ECPAS: variants seen among roughly 807,000 people sequenced by gnomAD.
ECPAS encodes proteasome adapter and scaffold protein ECM29.
Under a neutral mutation model 255.1 loss-of-function variants are expected in ECPAS, and 70 were observed. The observed-to-expected ratio is 0.27, with a 90% CI of 0.23 to 0.33. ECPAS has a LOEUF of 0.33. Among genes scored for constraint, ECPAS ranks in the 10% least tolerant of loss-of-function variants. The pLI, the probability that ECPAS is intolerant of heterozygous loss-of-function variation, is 1.00. For missense variants in ECPAS, 1,817 were observed against 2,206.4 expected (o/e 0.82, Z 3.54); for synonymous variants, 784 against 775.0 (o/e 1.01, Z -0.19).
In ECPAS at chr9:111,484,207, G is replaced by A. The variant is rs748900291; in HGVS notation, c.-174C>T. The A allele has an allele frequency of 1.2e-5, 17 of 1,472,064 alleles. 1 individual carries two copies. In the South Asian group the frequency reaches 1.6e-4, roughly 14 times the overall value. 91.2% of individuals were successfully genotyped at this position (1,472,064 alleles called of 1,614,324 possible). A position where few individuals can be genotyped will look rare whatever the true frequency, so the allele number is the denominator to read the frequency against. Reference sequence around the variant, plus strand: ...CGAGGCGTTCGGCGGGCCGGGCCCCGGGGAGCCGCGCGCCGCAGTCCGTGA... The same window carrying A: ...CGAGGCGTTCGGCGGGCCGGGCCCCAGGGAGCCGCGCGCCGCAGTCCGTGA... On this transcript the variant is annotated 5_prime_UTR_variant, in exon 1 of 50. Coordinates refer to ENST00000684092, the MANE Select transcript of ECPAS (RefSeq NM_001364929.1).
chr9:111,397,783 A>G (rs537087138), intron 24 of ECPAS, among the ~76,000 whole-genome samples: 16 of 152,368 alleles, frequency 1.1e-4, no homozygotes, highest in African/African-American at 3.1e-4. Context: ...AAAAAAGAGA[A>G]TAATAAAGCA....
At position 111,392,844 on chromosome 9, in the gene ECPAS, C is replaced by T. The variant is rs1393960550; in HGVS notation, c.3016G>A (p.Val1006Ile). 3 of 1,613,508 alleles carry T rather than the reference C, an allele frequency of 1.9e-6. No homozygotes were observed. The African/African-American group carries it at 4.0e-5, about 22-fold the overall frequency. ...TCTTGTTCATTGCCTAGTTCATAAA[C>T]CAACCCAAGGCCCTTTGATGCAACA... ...QDVASKGLGLVYELGNEQDQQ... is the reference protein window; with the variant it reads ...QDVASKGLGLIYELGNEQDQQ... Residue 1006 changes from valine (V) to isoleucine (I), a missense_variant, in exon 28 of 50, where the codon GTT becomes ATT. Transcript: ENST00000684092.
Position 111,370,735 on chromosome 9 carries a change from C to T in ECPAS, c.4768G>A (p.Val1590Met), listed in dbSNP as rs1350984277. Reference protein sequence around the residue: ...EELLKAIACVVTACSAELEKS... With the variant: ...EELLKAIACVMTACSAELEKS... ...AAGAACATTTACCTGCAAGCTGTCA[C>T]CACACAGGCAATGGCTTTCAATAGC... Residue 1590 changes from valine (V) to methionine (M), a missense_variant, in exon 44 of 50, where the codon GTG becomes ATG. Physicochemically the swap from Val to Met is conservative, Grantham distance 21. Coordinates refer to ENST00000684092, the MANE Select transcript of ECPAS (RefSeq NM_001364929.1). The T allele has an allele frequency of 1.5e-5, 24 of 1,607,808 alleles. No homozygotes were observed. Among genetic ancestry groups the T allele is most frequent in the Non-Finnish European group, 1.9e-5 (22 of 1,177,060 alleles).
intron 5 of ECPAS, among the ~76,000 whole-genome samples, 159 bp from the exon 6 acceptor site, chr9:111,440,680 C>A (rs1040818567): frequency 6.6e-6 from 1 of 152,166 alleles, no homozygotes; most frequent in African/African-American, 2.4e-5. Context: ...AATCTAGGGA[C>A]TGGCCTAGAA....
At chr9:111,372,660 T>C (rs766270909) in intron 41 of ECPAS, 40 bp from the exon 42 acceptor site, 1 of 1,494,394 alleles carries the variant, frequency 6.7e-7, no homozygotes, top group Non-Finnish European at 9.1e-7. Flanking sequence ...TATTTATTGT[T>C]TTTAAGGGTA....
intron 39 of ECPAS, 28 bp from the exon 40 acceptor site, chr9:111,373,434 G>A (rs762987389): frequency 6.3e-7 from 1 of 1,588,252 alleles, no homozygotes; most frequent in Non-Finnish European, 8.6e-7. Context: ...AAAAAAATCT[G>A]ATACTTGGTT....
At chr9:111,384,676 A>G in intron 33 of ECPAS, 107 bp from the exon 34 acceptor site, 1 of 957,990 alleles carries the variant, frequency 1.0e-6, no homozygotes, top group Non-Finnish European at 1.6e-6. Context: ...TTTGGTGGAA[A>G]ATCTTACATT....
intron 25 of ECPAS, among the ~76,000 whole-genome samples, chr9:111,394,932 C>G (rs996915777): frequency 6.6e-6 from 1 of 152,170 alleles, no homozygotes; most frequent in African/African-American, 2.4e-5. Flanking sequence ...TCAAACTTTG[C>G]TCTTCTCTTT....
At chr9:111,389,763 T>C (rs771970276) in intron 30 of ECPAS, 40 bp from the exon 31 acceptor site, 11 of 1,556,108 alleles carry the variant, frequency 7.1e-6, no homozygotes, top group Admixed American at 3.9e-5. Flanking sequence ...TGCACCATTA[T>C]AGTAAAATAT....
Position 111,440,518 on chromosome 9 carries a change from T to A in ECPAS, c.393A>T (p.Leu131Phe). 3 of 1,582,594 alleles carry A rather than the reference T, an allele frequency of 1.9e-6. No homozygotes were observed. Among genetic ancestry groups the A allele is most frequent in the South Asian group, 1.1e-5 (1 of 87,808 alleles). Residue 131 changes from leucine to phenylalanine, a missense_variant, in exon 6 of 50, where the codon TTA (leucine) becomes TTT (phenylalanine). Leu to Phe is a conservative substitution (Grantham distance 22). This residue lies in a region of ECPAS where 573 missense variants were observed against 716.2 expected (regional missense o/e 0.80). Transcript: ENST00000684092. ...EGKPQPQQDS[L>F]MHLLIPTLFH... is the part of the protein sequence containing the mutation. ...AAAGGGTTGGTATTAAAAGATGCATTAAGCTGAAAAAACAATTACATTTAT... is the reference window on the plus strand; with the variant it reads ...AAAGGGTTGGTATTAAAAGATGCATAAAGCTGAAAAAACAATTACATTTAT...
chr9:111,441,884 G>A (rs575422614), intron 5 of ECPAS, among the ~76,000 whole-genome samples: 1 of 152,298 alleles, frequency 6.6e-6, no homozygotes, highest in South Asian at 2.1e-4. Flanking sequence ...AACAAATGAT[G>A]TTATCTAAAA....
At chr9:111,435,050 C>T (rs2098235951) in intron 7 of ECPAS, among the ~76,000 whole-genome samples, 1 of 151,726 alleles carries the variant, frequency 6.6e-6, no homozygotes, top group Non-Finnish European at 1.5e-5. Flanking sequence ...AGGCATGCAC[C>T]ACCACGCCCA....
intron 35 of ECPAS, among the ~76,000 whole-genome samples, chr9:111,381,243 C>T (rs900063480): frequency 6.6e-6 from 1 of 152,116 alleles, no homozygotes; most frequent in African/African-American, 2.4e-5. Context: ...ATTAATTAGC[C>T]TAATTCCAAT....
intron 16 of ECPAS, among the ~76,000 whole-genome samples, chr9:111,418,867 TA>T (rs999624590): frequency 2.0e-5 from 3 of 151,988 alleles, no homozygotes; most frequent in African/African-American, 7.2e-5. Flanking sequence ...GAAACTAACG[TA>T]AAAAAATTAA....
intron 2 of ECPAS, among the ~76,000 whole-genome samples, chr9:111,459,669 A>C (rs2098270898): frequency 6.6e-6 from 1 of 152,226 alleles, no homozygotes; most frequent in Non-Finnish European, 1.5e-5. Flanking sequence ...GGCATAACTT[A>C]GTACAAAGTC....
chr9:111,379,746 A>G (rs556477106), intron 35 of ECPAS, among the ~76,000 whole-genome samples: 2 of 152,346 alleles, frequency 1.3e-5, no homozygotes, highest in Admixed American at 6.5e-5. Context: ...CATTTTAACA[A>G]TGTTCACAGA....
rs2098184756 is a variant in ECPAS, at chr9:111,406,888, A to G, written c.2652+1683T>C. ...TGAGATCCTATTGTAAAAATAAAAT[A>G]AATAAAAAATAAAAACAGTTAAAAG... On this transcript the variant is annotated intron_variant, in intron 24 of 49. Coordinates refer to ENST00000684092, the MANE Select transcript of ECPAS (RefSeq NM_001364929.1). 2.0e-5 allele frequency among the ~76,000 whole-genome samples: 3 copies of G among 149,290 alleles called. 1 individual carries two copies. Among genetic ancestry groups the G allele is most frequent in the Middle Eastern group, 3.4e-3 (1 of 294 alleles).
rs1171140309 is a variant in ECPAS, at chr9:111,361,976, C to T, written c.*54G>A. Reference sequence around the variant, plus strand: ...TCCCACTTGGTTTTTCAAAGAACACCACCACTTCAACCCCCAATGAACATG... The same window carrying T: ...TCCCACTTGGTTTTTCAAAGAACACTACCACTTCAACCCCCAATGAACATG... On this transcript the variant is annotated 3_prime_UTR_variant, in exon 50 of 50. Coordinates refer to ENST00000684092, the MANE Select transcript of ECPAS (RefSeq NM_001364929.1). The T allele has an allele frequency of 3.9e-5, 61 of 1,575,108 alleles. No individual in the cohort carries two copies. Among genetic ancestry groups the T allele is most frequent in the Non-Finnish European group, 5.3e-5 (61 of 1,159,526 alleles).
At chr9:111,421,409 A>ATGTGTGTGTG (rs71372622) in intron 15 of ECPAS, among the ~76,000 whole-genome samples, 145 of 143,432 alleles carry the variant, frequency 1.0e-3, no homozygotes, top group African/African-American at 2.7e-3. Context: ...TATTACATAT[A>ATGTGTGTGTG]TGTGTGTGTG....
Sources: allele counts gnomAD v4.1 joint callset (sites outside exome capture counted in the v4.1 genomes callset), GRCh38; gene constraint gnomAD v4.1.1; regional missense constraint gnomAD v4.1.1; transcripts MANE v1.5; gene names NCBI Gene and HGNC (gene_info 2026-07-23, HGNC 2026-07-21).